CHCHD3: variants seen among roughly 807,000 people sequenced by gnomAD.
CHCHD3 encodes MICOS complex subunit MIC19.
CHCHD3 carries 20 observed loss-of-function variants against 38.2 expected under a neutral mutation model. That is an observed-to-expected ratio of 0.52 (90% CI 0.37 to 0.76). The LOEUF (loss-of-function observed/expected upper bound fraction) is 0.76. Ranked by LOEUF, CHCHD3 falls within the 30% of genes least tolerant of loss-of-function variation. The probability of loss-of-function intolerance (pLI) is 0.00; values close to 1 mark genes in which losing one functional copy is unlikely to be tolerated. For synonymous variants in CHCHD3, 82 were observed against 100.0 expected (o/e 0.82, Z 1.07); for missense variants, 245 against 279.2 (o/e 0.88, Z 0.87).
chr7:132,799,017 G>C (rs1488348672), intron 6 of CHCHD3, among the ~76,000 whole-genome samples: 1 of 57,738 alleles, frequency 1.7e-5, no homozygotes, highest in African/African-American at 6.4e-5. Flanking sequence ...CTGTGTGTGT[G>C]TGTGTGTGTG....
intron 4 of CHCHD3, among the ~76,000 whole-genome samples, chr7:132,919,081 C>T (rs1462451886): frequency 5.5e-5 from 8 of 144,434 alleles, no homozygotes; most frequent in African/African-American, 2.1e-4. Context: ...TACTCTAATC[C>T]TATATAGTTG....
chr7:133,080,367 T>A (rs1815134710), intron 1 of CHCHD3, among the ~76,000 whole-genome samples: 1 of 152,246 alleles, frequency 6.6e-6, no homozygotes, highest in South Asian at 2.1e-4. Context: ...TAATACTTGA[T>A]ATGAATCTCT....
chr7:132,866,955 A>C (rs527244313), intron 5 of CHCHD3, among the ~76,000 whole-genome samples: 1 of 152,288 alleles, frequency 6.6e-6, no homozygotes, highest in South Asian at 2.1e-4. Context: ...GTCCCTGCTC[A>C]CGTAGCATCT....
intron 3 of CHCHD3, among the ~76,000 whole-genome samples, chr7:132,988,741 C>T (rs975668222): frequency 6.6e-6 from 1 of 151,826 alleles, no homozygotes; most frequent in Non-Finnish European, 1.5e-5. Flanking sequence ...TAGTGAGCCC[C>T]CATCTCTAAC....
intron 2 of CHCHD3, among the ~76,000 whole-genome samples, chr7:133,029,086 A>G (rs1191693880): frequency 6.6e-6 from 1 of 152,084 alleles, no homozygotes; most frequent in Non-Finnish European, 1.5e-5. Flanking sequence ...TTTTCCTTAT[A>G]AATTACCCAG....
intron 4 of CHCHD3, among the ~76,000 whole-genome samples, chr7:132,950,629 T>C (rs1182040471): frequency 6.6e-6 from 1 of 152,200 alleles, no homozygotes; most frequent in Non-Finnish European, 1.5e-5. Flanking sequence ...ACAGCAACTT[T>C]AAACATTTTT....
chr7:132,871,624 TCA>T (rs1808769254), intron 5 of CHCHD3, among the ~76,000 whole-genome samples: 1 of 152,148 alleles, frequency 6.6e-6, no homozygotes, highest in African/African-American at 2.4e-5. Flanking sequence ...GCTGCCCACG[TCA>T]CATCACAGAT....
At chr7:132,946,088 A>C (rs1009760725) in intron 4 of CHCHD3, among the ~76,000 whole-genome samples, 5 of 151,982 alleles carry the variant, frequency 3.3e-5, no homozygotes, top group African/African-American at 1.2e-4. Context: ...ACTGATGATT[A>C]CTATATTTAG....
At chr7:133,064,265 G>A (rs1247837617) in intron 2 of CHCHD3, among the ~76,000 whole-genome samples, 1 of 152,166 alleles carries the variant, frequency 6.6e-6, no homozygotes, top group Admixed American at 6.5e-5. Context: ...TTCTTTTTCA[G>A]AGCAGAATAT....
At chr7:133,003,801 G>A (rs771462685) in intron 3 of CHCHD3, among the ~76,000 whole-genome samples, 10 of 151,948 alleles carry the variant, frequency 6.6e-5, no homozygotes, top group South Asian at 2.1e-4. Flanking sequence ...AAAAATACAC[G>A]GAGGATAAAA....
intron 5 of CHCHD3, 146 bp from the exon 6 acceptor site, chr7:132,838,615 TA>T: frequency 3.3e-6 from 2 of 599,906 alleles, no homozygotes; most frequent in Non-Finnish European, 6.0e-6. Flanking sequence ...TGGATACTTA[TA>T]AAACACATGT....
At chr7:133,026,635 A>C (rs1192286329) in intron 2 of CHCHD3, among the ~76,000 whole-genome samples, 1 of 152,270 alleles carries the variant, frequency 6.6e-6, no homozygotes, top group African/African-American at 2.4e-5. Context: ...AGTGCCTAGC[A>C]ACTGATGAAT....
intron 3 of CHCHD3, among the ~76,000 whole-genome samples, chr7:132,978,740 C>T (rs563615338): frequency 6.6e-6 from 1 of 152,162 alleles, no homozygotes; most frequent in Admixed American, 6.5e-5. Context: ...CAGGAGGTGC[C>T]ACAACAGTCC....
At chr7:132,857,506 C>T (rs547654532) in intron 5 of CHCHD3, among the ~76,000 whole-genome samples, 5 of 152,268 alleles carry the variant, frequency 3.3e-5, no homozygotes, top group African/African-American at 1.2e-4. Context: ...CTCCCAGGTT[C>T]AAGCGATTCT....
At chr7:133,003,427 A>C (rs1429810236) in intron 3 of CHCHD3, among the ~76,000 whole-genome samples, 1 of 152,206 alleles carries the variant, frequency 6.6e-6, no homozygotes, top group East Asian at 1.9e-4. Flanking sequence ...AACTAGTTTT[A>C]AAAGCAAACA....
chr7:132,920,589 C>G (rs760722616), intron 4 of CHCHD3, among the ~76,000 whole-genome samples: 1 of 152,140 alleles, frequency 6.6e-6, no homozygotes, highest in African/African-American at 2.4e-5. Flanking sequence ...TATTTGTTTA[C>G]TCTGTCGTCA....
chr7:132,908,147 CATT>C (rs1405911496), intron 4 of CHCHD3, among the ~76,000 whole-genome samples: 2 of 152,106 alleles, frequency 1.3e-5, no homozygotes, highest in East Asian at 3.9e-4. Flanking sequence ...TGGGACAAAT[CATT>C]ATGAGGTATT....
intron 4 of CHCHD3, among the ~76,000 whole-genome samples, chr7:132,905,187 T>C: frequency 6.6e-6 from 1 of 152,044 alleles, no homozygotes; most frequent in Non-Finnish European, 1.5e-5. Context: ...ACATGGCACA[T>C]GTATACCTAT....
intron 2 of CHCHD3, among the ~76,000 whole-genome samples, chr7:133,029,860 A>G (rs747462268): frequency 2.6e-4 from 39 of 152,120 alleles, no homozygotes; most frequent in Non-Finnish European, 5.0e-4. Context: ...AAACGTGGGA[A>G]GAGGACAACA....
Sources: gnomAD v4.1 joint callset for allele counts (sites outside exome capture counted in the v4.1 genomes callset) on GRCh38, gnomAD v4.1.1 for gene constraint, MANE v1.5 for transcripts, NCBI Gene and HGNC (gene_info 2026-07-23, HGNC 2026-07-21) for gene names.